MID1: variants seen among roughly 807,000 people sequenced by gnomAD.
MID1 encodes the protein midline 1.
MID1 carries 7 observed loss-of-function variants against 40.4 expected under a neutral mutation model. The ratio of observed to expected loss-of-function variants is 0.17; its 90% CI spans 0.10 to 0.33. The LOEUF is 0.33. MID1 is among the 10% of genes least tolerant of loss of function. The pLI is 1.00. For synonymous variants in MID1, 229 were observed against 221.2 expected (o/e 1.04, Z -0.31); for missense variants, 367 against 558.5 (o/e 0.66, Z 3.46).
At chrX:10,533,166 T>C (rs769778318) in intron 2 of MID1, among the ~76,000 whole-genome samples, 1 of 110,076 alleles carries the variant, frequency 9.1e-6, no homozygotes, top group African/African-American at 3.3e-5. Flanking sequence ...TCTGTAGCCA[T>C]AAAGTATTGT....
At chrX:10,761,058 A>C (rs1464907746) in intron 1 of MID1, among the ~76,000 whole-genome samples, 1 of 111,834 alleles carries the variant, frequency 8.9e-6, no homozygotes, top group Admixed American at 9.5e-5. Context: ...TGACTGTATG[A>C]GTGCCTTAGA....
At chrX:10,454,769 A>G in intron 9 of MID1, 101 bp downstream of exon 9, 1 of 746,077 alleles carries the variant, frequency 1.3e-6, no homozygotes, top group South Asian at 2.2e-5. Flanking sequence ...ACTTTTCTGC[A>G]TTTTATTCTT....
intron 2 of MID1, among the ~76,000 whole-genome samples, chrX:10,541,003 G>A (rs893687351): frequency 1.2e-4 from 13 of 112,139 alleles, no homozygotes; most frequent in East Asian, 8.4e-4. Flanking sequence ...AGAGCTATGC[G>A]GGTGCTGCCT....
chrX:10,459,586 G>GA, intron 8 of MID1, 60 bp downstream of exon 8: 13 of 1,127,810 alleles, frequency 1.2e-5, no homozygotes, highest in Non-Finnish European at 1.6e-5. Context: ...AAGGGGGACA[G>GA]AGTCAGCTGA....
chrX:10,802,150 C>T (rs2044012417), intron 1 of MID1, among the ~76,000 whole-genome samples: 1 of 111,329 alleles, frequency 9.0e-6, no homozygotes, highest in Non-Finnish European at 1.9e-5. Flanking sequence ...CCATTGCACT[C>T]CAGCCTGGCG....
At chrX:10,631,357 A>G (rs189313293) in intron 1 of MID1, among the ~76,000 whole-genome samples, 72 of 111,743 alleles carry the variant, frequency 6.4e-4, no homozygotes, top group African/African-American at 2.2e-3. Context: ...CCTTCACCCT[A>G]TGAGAAAAGG....
intron 1 of MID1, among the ~76,000 whole-genome samples, chrX:10,796,433 T>G (rs1276851945): frequency 9.3e-6 from 1 of 106,976 alleles, no homozygotes; most frequent in South Asian, 4.0e-4. Context: ...TTCAGTTTTT[T>G]TTTTAATGAT....
At chrX:10,458,267 C>T (rs1928804902) in intron 8 of MID1, among the ~76,000 whole-genome samples, 2 of 112,112 alleles carry the variant, frequency 1.8e-5, no homozygotes, top group African/African-American at 6.5e-5. Flanking sequence ...ATGTTATATT[C>T]TCTTATGTAC....
chrX:10,750,986 C>T (rs774748311), intron 1 of MID1, among the ~76,000 whole-genome samples: 2 of 111,381 alleles, frequency 1.8e-5, no homozygotes, highest in Admixed American at 9.5e-5. Flanking sequence ...AATATCTGGC[C>T]GGTTCTGGTG....
At chrX:10,578,593 T>C (rs1299718831) in intron 1 of MID1, among the ~76,000 whole-genome samples, 1 of 112,764 alleles carries the variant, frequency 8.9e-6, no homozygotes, top group East Asian at 2.8e-4. Flanking sequence ...AAGCATTTAG[T>C]TTTAAAGGCA....
chrX:10,768,315 A>G (rs78965591), intron 1 of MID1, among the ~76,000 whole-genome samples: 1 of 111,969 alleles, frequency 8.9e-6, no homozygotes, highest in Non-Finnish European at 1.9e-5. Context: ...ATAAAAAAAA[A>G]GAACAAGAAA....
In MID1 at chrX:10,690,454, T is replaced by A. The variant is rs189158321; in HGVS notation, c.-186-70035A>T. 7.1e-5 allele frequency among the ~76,000 whole-genome samples: 8 copies of A among 112,253 alleles called. No homozygotes were observed. The East Asian group carries it at 2.2e-3, about 31-fold the overall frequency. On this transcript the variant is annotated intron_variant, in intron 1 of 10. Coordinates refer to the MID1 transcript ENST00000380785. ...ACAATAAGGCTGTTAGCGTTATCCT[T>A]CTAAAATATGAATTCAAGAAACTAG...
intron 3 of MID1, among the ~76,000 whole-genome samples, chrX:10,497,672 T>C (rs1455204802): frequency 3.6e-5 from 4 of 111,785 alleles, no homozygotes; most frequent in Admixed American, 1.9e-4. Context: ...CTTATTACAA[T>C]AGTCCTGAAT....
intron 1 of MID1, among the ~76,000 whole-genome samples, chrX:10,692,471 G>T (rs1270166323): frequency 2.7e-5 from 3 of 111,267 alleles, no homozygotes; most frequent in Non-Finnish European, 3.8e-5. Context: ...ACAAAAATTA[G>T]CCAGGTGTGG....
intron 1 of MID1, among the ~76,000 whole-genome samples, chrX:10,664,489 T>C (rs1265635853): frequency 3.6e-5 from 4 of 112,142 alleles, no homozygotes; most frequent in African/African-American, 1.3e-4. Flanking sequence ...GTTTTATTTA[T>C]CCATTCATCC....
At chrX:10,767,183 T>C (rs190459700) in intron 1 of MID1, among the ~76,000 whole-genome samples, 1 of 112,208 alleles carries the variant, frequency 8.9e-6, no homozygotes, top group Non-Finnish European at 1.9e-5. Context: ...CATTTAGTAA[T>C]CATAGGGACA....
At chrX:10,830,332 C>T (rs2147165329) in intron 1 of MID1, among the ~76,000 whole-genome samples, 1 of 112,502 alleles carries the variant, frequency 8.9e-6, no homozygotes, top group Admixed American at 9.4e-5. Context: ...TGAGATTTCT[C>T]TTTGCAGAAA....
At chrX:10,580,932 G>GT (rs1287854391) in intron 1 of MID1, among the ~76,000 whole-genome samples, 52 of 68,584 alleles carry the variant, frequency 7.6e-4, no homozygotes, top group African/African-American at 3.1e-3. Flanking sequence ...GTGGTGTCCT[G>GT]TAAAAAAAAA....
chrX:10,665,686 C>G (rs1431363485), intron 1 of MID1, among the ~76,000 whole-genome samples: 1 of 109,590 alleles, frequency 9.1e-6, no homozygotes, highest in African/African-American at 3.3e-5. Flanking sequence ...CGCCACCACA[C>G]CCAGCTAATT....
Sources: allele counts gnomAD v4.1 joint callset (sites outside exome capture counted in the v4.1 genomes callset), GRCh38; gene constraint gnomAD v4.1.1; transcripts MANE v1.5; gene names NCBI Gene and HGNC (gene_info 2026-07-23, HGNC 2026-07-21).